Variants in SLC30A9 observed in about 807,000 individuals in gnomAD.
SLC30A9 encodes solute carrier family 30 member 9, also known as proton-coupled zinc antiporter SLC30A9, mitochondrial.
Under a neutral mutation model 87.5 loss-of-function variants are expected in SLC30A9, and 58 were observed. The ratio of observed to expected loss-of-function variants is 0.66; its 90% CI spans 0.54 to 0.82. SLC30A9 has a LOEUF of 0.82. Among genes scored for constraint, SLC30A9 ranks in the 40% least tolerant of loss-of-function variants. The probability of loss-of-function intolerance (pLI) is 0.00; values close to 1 mark genes in which losing one functional copy is unlikely to be tolerated. For synonymous variants in SLC30A9, 234 were observed against 233.0 expected (o/e 1.00, Z -0.04); for missense variants, 557 against 679.1 (o/e 0.82, Z 2.00).
intron 6 of SLC30A9, among the ~76,000 whole-genome samples, chr4:42,027,688 A>G (rs1235792002): frequency 6.6e-6 from 1 of 152,192 alleles, no homozygotes; most frequent in East Asian, 1.9e-4. Flanking sequence ...AACTCACAGG[A>G]GTGTAACAAT....
intron 2 of SLC30A9, among the ~76,000 whole-genome samples, chr4:42,009,704 A>G (rs1715360275): frequency 6.6e-6 from 1 of 152,200 alleles, no homozygotes; most frequent in East Asian, 1.9e-4. Context: ...ATAACACTAT[A>G]TATTTAGTAA....
intron 16 of SLC30A9, among the ~76,000 whole-genome samples, chr4:42,076,532 ATATTTTTTAGAT>A (rs1433636272): frequency 6.6e-6 from 1 of 152,140 alleles, no homozygotes; most frequent in African/African-American, 2.4e-5. Flanking sequence ...GCATAACAAC[ATATTTTTTAGAT>A]TCTTCCGTGT....
intron 10 of SLC30A9, among the ~76,000 whole-genome samples, chr4:42,060,530 G>A (rs1181617917): frequency 6.6e-6 from 1 of 152,040 alleles, no homozygotes; most frequent in East Asian, 1.9e-4. Flanking sequence ...GATCTTAGAG[G>A]TCTGTTTTAT....
Position 42,049,408 on chromosome 4 carries a change from G to T in SLC30A9, c.769G>T (p.Ala257Ser), listed in dbSNP as rs1194202835. 2 of 1,609,810 alleles carry T rather than the reference G, an allele frequency of 1.2e-6. No homozygotes were observed. Among genetic ancestry groups the T allele is most frequent in the Middle Eastern group, 1.7e-4 (1 of 6,042 alleles). Residue 257 changes from alanine to serine, a missense_variant, in exon 9 of 18, where the codon GCC becomes TCC. By Grantham distance (99) the Ala-to-Ser change is moderately conservative (BLOSUM62 1). Coordinates refer to ENST00000264451, the MANE Select transcript of SLC30A9 (RefSeq NM_006345.4). ...ATTAAACTGCTTCTTTAAATTTCTT[G>T]CCTGGATTTATACCGGTTCAGCAAG... ...NGLNCFFKFL[A>S]WIYTGSASMF...
intron 10 of SLC30A9, 56 bp from the exon 11 acceptor site, chr4:42,062,930 A>C (rs1430346248): frequency 6.7e-7 from 1 of 1,484,324 alleles, no homozygotes; most frequent in Non-Finnish European, 9.3e-7. Flanking sequence ...AAGCACATAT[A>C]TTTTAAAAGA....
At chr4:42,074,298 G>A (rs1249809291) in intron 15 of SLC30A9, among the ~76,000 whole-genome samples, 1 of 152,004 alleles carries the variant, frequency 6.6e-6, no homozygotes, top group African/African-American at 2.4e-5. Context: ...CAGAAATTAG[G>A]GTCTAATGTT....
chr4:42,068,482 T>A (rs10012287), intron 14 of SLC30A9, among the ~76,000 whole-genome samples: 98,934 of 151,608 alleles, frequency 0.65, 36,727 homozygotes, highest in East Asian at 0.96. Flanking sequence ...ACCTCGGGGG[T>A]GATCCTCCCA....
intron 6 of SLC30A9, among the ~76,000 whole-genome samples, chr4:42,025,224 A>G (rs529838306): frequency 6.6e-6 from 1 of 152,342 alleles, no homozygotes; most frequent in East Asian, 1.9e-4. Flanking sequence ...GTATATATTA[A>G]AAGGTCAGGA....
At position 42,004,752 on chromosome 4, in the gene SLC30A9, G is replaced by A. The variant is rs544009244; in HGVS notation, c.274+2972G>A. ...ATGGTTCACTGCAGCCTTGACCTCC[G>A]GGGCTCGACCTACCTTAGCCCCCTA... On this transcript the variant is annotated intron_variant, in intron 2 of 17. Coordinates refer to ENST00000264451, the MANE Select transcript of SLC30A9 (RefSeq NM_006345.4). Among the ~76,000 whole-genome samples, 34 of 143,506 alleles carry A rather than the reference G, an allele frequency of 2.4e-4. No homozygotes were observed. In the South Asian group the frequency reaches 4.1e-3, roughly 17 times the overall value. The allele number at this position is 143,506 out of a possible 152,430, so 94.1% of individuals were successfully genotyped here.
At chr4:42,070,887 A>T (rs1401999302) in intron 15 of SLC30A9, among the ~76,000 whole-genome samples, 196 bp downstream of exon 15, 1 of 152,156 alleles carries the variant, frequency 6.6e-6, no homozygotes, top group East Asian at 1.9e-4. Context: ...TTTCCTTTTA[A>T]ATTTTCTATA....
intron 9 of SLC30A9, among the ~76,000 whole-genome samples, chr4:42,057,015 G>A (rs1396023072): frequency 1.3e-5 from 2 of 152,180 alleles, no homozygotes; most frequent in African/African-American, 2.4e-5. Flanking sequence ...TCCAGGTCAC[G>A]CTGATGCAAA....
At chr4:42,012,243 C>G (rs1024904184) in intron 2 of SLC30A9, among the ~76,000 whole-genome samples, 1 of 152,132 alleles carries the variant, frequency 6.6e-6, no homozygotes, top group Non-Finnish European at 1.5e-5. Flanking sequence ...AGAATACTAT[C>G]AGCCTAATTG....
chr4:42,007,901 C>T (rs144854494), intron 2 of SLC30A9, among the ~76,000 whole-genome samples: 61 of 152,274 alleles, frequency 4.0e-4, no homozygotes, highest in African/African-American at 1.3e-3. Context: ...TTTCACGTAA[C>T]AAGTGTGGTC....
chr4:41,997,178 CTG>C (rs930474920), intron 1 of SLC30A9, among the ~76,000 whole-genome samples: 1 of 150,954 alleles, frequency 6.6e-6, no homozygotes, highest in Non-Finnish European at 1.5e-5. Context: ...AAAAGATTCT[CTG>C]TTTTTTACTC....
In SLC30A9 at chr4:42,078,309, T is replaced by C; in HGVS notation, c.1646T>C (p.Leu549Pro). ...ACTTTAGGAGCTGAAGTAGATAGACTTGAGAAGGAACTGAAAGTAAGATGT... is the reference window on the plus strand; with the variant it reads ...ACTTTAGGAGCTGAAGTAGATAGACCTGAGAAGGAACTGAAAGTAAGATGT... ...IDTLGAEVDR[L>P]EKELKKRNPE... is the part of the protein sequence containing the mutation. Residue 549 changes from leucine to proline, a missense_variant, in exon 17 of 18, where the codon CTT (leucine) becomes CCT (proline). Leu to Pro is a moderately conservative substitution (Grantham distance 98). Coordinates refer to ENST00000264451, the MANE Select transcript of SLC30A9 (RefSeq NM_006345.4). The C allele has an allele frequency of 6.6e-7, 1 of 1,520,382 alleles. No individual in the cohort carries two copies. Among genetic ancestry groups the C allele is most frequent in the Non-Finnish European group, 9.0e-7 (1 of 1,106,530 alleles). The allele number at this position is 1,520,382 out of a possible 1,614,324, so 94.2% of individuals were successfully genotyped here.
intron 6 of SLC30A9, among the ~76,000 whole-genome samples, chr4:42,034,325 A>T (rs1338092251): frequency 6.6e-6 from 1 of 152,190 alleles, no homozygotes; most frequent in Admixed American, 6.5e-5. Context: ...GGTACAGTTC[A>T]TAAGTGTGTA....
intron 8 of SLC30A9, among the ~76,000 whole-genome samples, chr4:42,042,538 G>T (rs1002908021): frequency 6.6e-6 from 1 of 152,128 alleles, no homozygotes; most frequent in Non-Finnish European, 1.5e-5. Context: ...TTCTCTCTGG[G>T]CAGGGCATCT....
chr4:42,036,353 T>C (rs960865100), intron 7 of SLC30A9, among the ~76,000 whole-genome samples: 5 of 152,194 alleles, frequency 3.3e-5, no homozygotes, highest in Non-Finnish European at 7.3e-5. Flanking sequence ...TCCTTCCTAC[T>C]AGAAGGAAAT....
rs1015930561 is a variant in SLC30A9 at position 42,006,069 on chromosome 4, G to C, written c.274+4289G>C. 3.9e-5 allele frequency among the ~76,000 whole-genome samples: 6 copies of C among 152,176 alleles called. 1 individual carries two copies. The highest frequency in any genetic ancestry group is 1.4e-4 in the African/African-American group (6 of 41,446). On this transcript the variant is annotated intron_variant, in intron 2 of 17. Coordinates refer to ENST00000264451, the MANE Select transcript of SLC30A9 (RefSeq NM_006345.4). ...TTGTCATTATTTCCTAAACAATACA[G>C]TGTAACAACGGTTTACTTAGCATTT... is the stretch of plus-strand genomic sequence containing the variant.
Sources: gnomAD v4.1 joint callset for allele counts (sites outside exome capture counted in the v4.1 genomes callset) on GRCh38, gnomAD v4.1.1 for gene constraint, MANE v1.5 for transcripts, NCBI Gene and HGNC (gene_info 2026-07-23, HGNC 2026-07-21) for gene names.